MRTFB: variants seen among roughly 807,000 people sequenced by gnomAD.
The protein encoded by MRTFB is myocardin-related transcription factor B.
A neutral mutation model predicts 104.2 loss-of-function variants in MRTFB; 29 were observed. The observed-to-expected ratio is 0.28, with a 90% CI of 0.21 to 0.38. MRTFB has a LOEUF of 0.38. Ranked by LOEUF, MRTFB falls within the 10% of genes least tolerant of loss-of-function variation. The pLI is 1.00. For missense variants in MRTFB, 1,270 were observed against 1,341.6 expected, an observed-to-expected ratio of 0.95 and a Z score of 0.83; for synonymous variants, 535 against 519.5, an observed-to-expected ratio of 1.03 and a Z score of -0.41.
intron 16 of MRTFB, among the ~76,000 whole-genome samples, chr16:14,260,286 T>C (rs932797891): frequency 6.6e-6 from 1 of 151,976 alleles, no homozygotes; most frequent in East Asian, 1.9e-4. Flanking sequence ...TCAAATGTCA[T>C]TGTATATTTT....
the MRTFB span, chr16:14,013,050 C>G: frequency 6.6e-6 from 1 of 152,244 alleles, no homozygotes; most frequent in South Asian, 2.1e-4. Flanking sequence ...CACCTCCCAC[C>G]TCTCACTCCT....
chr16:14,243,379 C>G (rs1004747257), intron 10 of MRTFB, among the ~76,000 whole-genome samples: 5 of 152,246 alleles, frequency 3.3e-5, no homozygotes, highest in Admixed American at 2.6e-4. Flanking sequence ...CCAACTATGG[C>G]TGTCACCCCG....
intron 1 of MRTFB, among the ~76,000 whole-genome samples, chr16:14,078,617 G>T (rs866438792): frequency 2.0e-5 from 3 of 149,356 alleles, no homozygotes; most frequent in Non-Finnish European, 4.4e-5. Context: ...TTTTTAAAGA[G>T]ACGGTATTAC....
Position 14,231,486 on chromosome 16 carries a change from G to C in MRTFB, c.694-2660G>C, listed in dbSNP as rs187140424. Among the ~76,000 whole-genome samples, 9 of 151,984 alleles carry C rather than the reference G, an allele frequency of 5.9e-5. No homozygotes were observed. In the East Asian group the frequency reaches 1.5e-3, roughly 26 times the overall value. On this transcript the variant is annotated intron_variant, in intron 8 of 16. Coordinates refer to ENST00000571589, the MANE Select transcript of MRTFB (RefSeq NM_001308142.2). ...TGATGTAGATTCTTTTGTCACCCAG[G>C]TACTAAGCCCAATACTCAATAGTTA...
At chr16:14,014,074 T>C in the MRTFB span, among the ~76,000 whole-genome samples, 3 of 152,314 alleles carry the variant, frequency 2.0e-5, no homozygotes. Context: ...GCAGGACCCA[T>C]GTCTATTCCC....
intron 3 of MRTFB, chr16:14,191,913 A>G (rs568195696): frequency 6.6e-6 from 1 of 152,350 alleles, no homozygotes; most frequent in Admixed American, 6.5e-5. Context: ...AACTTTAAAA[A>G]TAAAATAGAC....
chr16:14,150,460 A>G (rs2038557191), intron 3 of MRTFB, among the ~76,000 whole-genome samples: 1 of 152,216 alleles, frequency 6.6e-6, no homozygotes, highest in Non-Finnish European at 1.5e-5. Flanking sequence ...CCTTTAACAT[A>G]AACAGTTGAT....
the MRTFB span, among the ~76,000 whole-genome samples, chr16:13,998,172 A>G: frequency 6.6e-6 from 1 of 152,236 alleles, no homozygotes; most frequent in South Asian, 2.1e-4. Context: ...GGTGAGTCGT[A>G]GGCAGGCCAG....
At chr16:14,146,873 A>G (rs2038345887) in intron 3 of MRTFB, among the ~76,000 whole-genome samples, 1 of 152,166 alleles carries the variant, frequency 6.6e-6, no homozygotes, top group African/African-American at 2.4e-5. Context: ...GGTGAGGGAG[A>G]AAGAGGAAAT....
In MRTFB at chr16:14,247,196, G is replaced by C. The variant is rs754659824; in HGVS notation, c.1936G>C (p.Asp646His). Residue 646 changes from aspartate (D) to histidine (H), a missense_variant, in exon 12 of 17, where the codon GAC becomes CAC. Coordinates refer to ENST00000571589, the MANE Select transcript of MRTFB (RefSeq NM_001308142.2). The stretch of plus-strand genomic sequence containing the variant: ...CATCAAAGATGAGGCCTCACTCCCT[G>C]ACTGCTCCAGCTCCAGGCAGCCCAT... ...SSIKDEASLPDCSSSRQPIPV... is the reference protein window; with the variant it reads ...SSIKDEASLPHCSSSRQPIPV... 1.2e-6 allele frequency: 2 copies of C among 1,614,140 alleles called. No individual in the cohort carries two copies. Among genetic ancestry groups the C allele is most frequent in the East Asian group, 2.2e-5 (1 of 44,884 alleles).
At chr16:14,019,103 C>T in the MRTFB span, 1 of 152,368 alleles carries the variant, frequency 6.6e-6, no homozygotes, top group African/African-American at 2.4e-5. Context: ...CCCTCTGGAA[C>T]TAAGACCTCT....
At chr16:14,121,397 A>G (rs961946141) in intron 2 of MRTFB, among the ~76,000 whole-genome samples, 12 of 152,186 alleles carry the variant, frequency 7.9e-5, no homozygotes, top group Admixed American at 5.9e-4. Flanking sequence ...AATGAGTAAC[A>G]TGACCTTTTT....
intron 2 of MRTFB, among the ~76,000 whole-genome samples, chr16:14,126,834 TCA>T (rs2037134198): frequency 1.3e-5 from 2 of 152,170 alleles, no homozygotes; most frequent in South Asian, 4.1e-4. Flanking sequence ...ACTTTAACCA[TCA>T]CAGTTCTAAT....
At chr16:14,186,952 C>T (rs1378266206) in intron 3 of MRTFB, 2 of 1,598,138 alleles carry the variant, frequency 1.3e-6, no homozygotes, top group East Asian at 2.2e-5. Context: ...CAGGGCTTCC[C>T]AGAGATTTTA....
At position 14,264,435 on chromosome 16, in the gene MRTFB, C is replaced by T. The variant is rs950010050; in HGVS notation, c.*2991C>T. On this transcript the variant is annotated 3_prime_UTR_variant, in exon 17 of 17. Transcript: ENST00000571589. Reference sequence around the variant, plus strand: ...CTTGTACATTTCAGCAAAGCATCCACTAGGAAACCTCATAGGACAGTGTTA... The same window carrying T: ...CTTGTACATTTCAGCAAAGCATCCATTAGGAAACCTCATAGGACAGTGTTA... 2 of 152,218 alleles carry T rather than the reference C, an allele frequency of 1.3e-5. No individual in the cohort carries two copies. The highest frequency in any genetic ancestry group is 2.9e-5 in the Non-Finnish European group (2 of 68,042). 9.4% of individuals were successfully genotyped at this position (152,218 alleles called of 1,614,324 possible). A position where few individuals can be genotyped will look rare whatever the true frequency, so the allele number is the denominator to read the frequency against.
At chr16:14,218,495 C>T (rs2041532382) in intron 7 of MRTFB, among the ~76,000 whole-genome samples, 1 of 151,570 alleles carries the variant, frequency 6.6e-6, no homozygotes, top group Non-Finnish European at 1.5e-5. Flanking sequence ...GAGAAAAAGG[C>T]TTGTTTTGTT....
the MRTFB span, among the ~76,000 whole-genome samples, chr16:14,025,699 T>G: frequency 6.6e-6 from 1 of 152,032 alleles, no homozygotes; most frequent in East Asian, 1.9e-4. Flanking sequence ...GTAAAATAAC[T>G]GGAGATTGCT....
At chr16:14,024,135 C>T in the MRTFB span, among the ~76,000 whole-genome samples, 6 of 152,064 alleles carry the variant, frequency 3.9e-5, no homozygotes, top group African/African-American at 1.4e-4. Flanking sequence ...ATCACATTGC[C>T]GCCTCCTATT....
At chr16:14,161,546 T>C (rs541996879) in intron 3 of MRTFB, among the ~76,000 whole-genome samples, 11 of 152,290 alleles carry the variant, frequency 7.2e-5, no homozygotes, top group African/African-American at 9.6e-5. Flanking sequence ...ATTTTTTAAA[T>C]AGGACACAAA....
Sources: allele counts gnomAD v4.1 joint callset (sites outside exome capture counted in the v4.1 genomes callset), GRCh38; gene constraint gnomAD v4.1.1; transcripts MANE v1.5; gene names NCBI Gene and HGNC (gene_info 2026-07-23, HGNC 2026-07-21).